KCNIP3: variants seen among roughly 807,000 people sequenced by gnomAD.
The protein encoded by KCNIP3 is potassium voltage-gated channel interacting protein 3.
Under a neutral mutation model 35.0 loss-of-function variants are expected in KCNIP3, and 28 were observed. The ratio of observed to expected loss-of-function variants is 0.80; its 90% confidence interval spans 0.59 to 1.10. The LOEUF (loss-of-function observed/expected upper bound fraction) is 1.10, where lower values mean the gene tolerates loss of function less well. Ranked by LOEUF, KCNIP3 falls within the 50% of genes least tolerant of loss-of-function variation. The pLI, the probability that KCNIP3 is intolerant of heterozygous loss-of-function variation, is 0.00. For missense variants in KCNIP3, 295 were observed against 338.4 expected (o/e 0.87, Z 1.01); for synonymous variants, 134 against 133.8 (o/e 1.00, Z -0.01).
chr2:95,319,775 T>C (rs1388710820), intron 2 of KCNIP3, among the ~76,000 whole-genome samples: 2 of 152,234 alleles, frequency 1.3e-5, no homozygotes, highest in East Asian at 3.9e-4. Flanking sequence ...TCACAGGCTC[T>C]TGGGCTCATG....
chr2:95,363,523 G>T (rs947989857), intron 2 of KCNIP3, among the ~76,000 whole-genome samples: 13 of 152,222 alleles, frequency 8.5e-5, no homozygotes, highest in African/African-American at 3.1e-4. Context: ...GTGTCTGAGA[G>T]AAACTCCTCC....
intron 2 of KCNIP3, among the ~76,000 whole-genome samples, chr2:95,320,199 C>A (rs1213544570): frequency 6.6e-6 from 1 of 152,176 alleles, no homozygotes; most frequent in Admixed American, 6.5e-5. Context: ...AGGTATGGAA[C>A]CACACGGAGG....
intron 1 of KCNIP3, among the ~76,000 whole-genome samples, chr2:95,299,658 C>T (rs917554664): frequency 5.3e-5 from 8 of 152,250 alleles, no homozygotes; most frequent in South Asian, 2.1e-4. Flanking sequence ...GCGCTGCTGT[C>T]GCGGTGTTGA....
chr2:95,362,618 G>A (rs558956471), intron 2 of KCNIP3, among the ~76,000 whole-genome samples: 8 of 152,302 alleles, frequency 5.3e-5, no homozygotes, highest in East Asian at 1.9e-4. Flanking sequence ...CACAGTTCAC[G>A]GTAGGGTTTG....
chr2:95,333,665 A>G (rs1678988885), intron 2 of KCNIP3, among the ~76,000 whole-genome samples: 1 of 152,184 alleles, frequency 6.6e-6, no homozygotes, highest in African/African-American at 2.4e-5. Flanking sequence ...CAATGATACT[A>G]TGTCAGTGAG....
At chr2:95,311,567 G>A (rs1366321009) in intron 2 of KCNIP3, 2 of 152,208 alleles carry the variant, frequency 1.3e-5, no homozygotes, top group African/African-American at 4.8e-5. Flanking sequence ...TCAACTGAGG[G>A]GTCTGGGCAA....
intron 2 of KCNIP3, among the ~76,000 whole-genome samples, chr2:95,357,960 G>A (rs1177406497): frequency 1.3e-5 from 2 of 152,216 alleles, no homozygotes; most frequent in African/African-American, 2.4e-5. Flanking sequence ...ATGTGCTGCA[G>A]TGCACCAAGG....
rs146044143 is a variant in KCNIP3, at chr2:95,327,580, T to C, written c.181+17060T>C. 4.6e-5 allele frequency among the ~76,000 whole-genome samples: 7 copies of C among 152,284 alleles called. No individual in the cohort carries two copies. In the East Asian group the frequency reaches 1.4e-3, roughly 29 times the overall value. On this transcript the variant is annotated intron_variant, in intron 2 of 8. Transcript: ENST00000295225. ...CTCCTGGGGCCAGAGCAAGGGGATG[T>C]CCACTGTGAGGAGGGATCTGGAGTG... is the stretch of plus-strand genomic sequence containing the variant.
intron 2 of KCNIP3, among the ~76,000 whole-genome samples, chr2:95,316,724 G>A (rs953026611): frequency 8.5e-5 from 13 of 152,206 alleles, no homozygotes; most frequent in Non-Finnish European, 1.2e-4. Flanking sequence ...CCCTCACTGC[G>A]AGGAAGGCAG....
chr2:95,300,854 T>C (rs1226719582), intron 1 of KCNIP3, among the ~76,000 whole-genome samples: 1 of 152,192 alleles, frequency 6.6e-6, no homozygotes. Flanking sequence ...ACCTCAGCTC[T>C]CTGCCCAGCA....
intron 2 of KCNIP3, among the ~76,000 whole-genome samples, chr2:95,317,657 T>A (rs1678492567): frequency 6.6e-6 from 1 of 152,100 alleles, no homozygotes; most frequent in Non-Finnish European, 1.5e-5. Context: ...GAGACGCTGC[T>A]TTTGAGAGAC....
chr2:95,345,075 C>G (rs1679313470), intron 2 of KCNIP3, among the ~76,000 whole-genome samples: 1 of 152,222 alleles, frequency 6.6e-6, no homozygotes, highest in Non-Finnish European at 1.5e-5. Flanking sequence ...TCACCACATC[C>G]CAATTAACTA....
intron 2 of KCNIP3, among the ~76,000 whole-genome samples, chr2:95,362,833 A>C (rs1195041500): frequency 6.6e-6 from 1 of 152,182 alleles, no homozygotes; most frequent in Non-Finnish European, 1.5e-5. Flanking sequence ...CCTGCACTAG[A>C]GTGTTTCAGA....
chr2:95,322,103 G>A (rs1678610785), intron 2 of KCNIP3, among the ~76,000 whole-genome samples: 1 of 152,148 alleles, frequency 6.6e-6, no homozygotes, highest in South Asian at 2.1e-4. Flanking sequence ...AGTGGCTCAT[G>A]CCTGTAATCC....
Position 95,383,272 on chromosome 2 carries a change from A to G in KCNIP3, c.701A>G (p.Glu234Gly). The G allele has an allele frequency of 6.2e-7, 1 of 1,613,808 alleles. No homozygotes were observed. Among genetic ancestry groups the G allele is most frequent in the Non-Finnish European group, 8.5e-7 (1 of 1,179,874 alleles). The change falls in exon 8 of 9, where the codon GAG (glutamate) becomes GGG (glycine). Residue 234 changes from glutamate (E) to glycine (G), a missense_variant. Glu to Gly is a moderately conservative substitution (Grantham distance 98, BLOSUM62 -2). Coordinates refer to ENST00000295225, the MANE Select transcript of KCNIP3 (RefSeq NM_013434.5). ...CAGGATGGGGTAGTGACCATTGAAGAGTTCCTGGAGGCCTGTCAGAAGGTA... is the reference window on the plus strand; with the variant it reads ...CAGGATGGGGTAGTGACCATTGAAGGGTTCCTGGAGGCCTGTCAGAAGGTA... The part of the protein sequence containing the change: ...RNQDGVVTIE[E>G]FLEACQKDEN...
chr2:95,307,112 C>T (rs536997481), intron 1 of KCNIP3, among the ~76,000 whole-genome samples: 1 of 152,324 alleles, frequency 6.6e-6, no homozygotes, highest in South Asian at 2.1e-4. Context: ...GGGTGCCCAT[C>T]ATGGGCCTGC....
rs539603440 is a variant in KCNIP3, at chr2:95,383,246, C to A, written c.675C>A (p.Asn225Lys). ...TTGGGTTGCAGAAAATGGACCGGAA[C>A]CAGGATGGGGTAGTGACCATTGAAG... is the stretch of plus-strand genomic sequence containing the variant. ...VERFFEKMDR[N>K]QDGVVTIEEF... Residue 225 changes from asparagine (N) to lysine (K), a missense_variant, in exon 8 of 9, where the codon AAC becomes AAA. Transcript: ENST00000295225. 21 of 1,613,562 alleles carry A rather than the reference C, an allele frequency of 1.3e-5. No individual in the cohort carries two copies. The highest frequency in any genetic ancestry group is 1.7e-5 in the Non-Finnish European group (20 of 1,179,836).
At chr2:95,304,062 TGTCA>T (rs1298180526) in intron 1 of KCNIP3, among the ~76,000 whole-genome samples, 1 of 152,236 alleles carries the variant, frequency 6.6e-6, no homozygotes, top group Admixed American at 6.5e-5. Flanking sequence ...ACCAGCCACA[TGTCA>T]GTCTCAGCAG....
intron 6 of KCNIP3, among the ~76,000 whole-genome samples, 182 bp downstream of exon 6, chr2:95,381,885 C>T (rs908520212): frequency 5.3e-5 from 8 of 152,200 alleles, no homozygotes; most frequent in Admixed American, 2.0e-4. Flanking sequence ...CTGGACACCC[C>T]GGTGTGGAGT....
Sources: allele counts gnomAD v4.1 joint callset (sites outside exome capture counted in the v4.1 genomes callset), GRCh38; gene constraint gnomAD v4.1.1; transcripts MANE v1.5; gene names NCBI Gene and HGNC (gene_info 2026-07-23, HGNC 2026-07-21).